CCDC77: variants seen among roughly 807,000 people sequenced by gnomAD.
CCDC77 encodes the protein coiled-coil domain-containing protein 77.
A neutral mutation model predicts 66.8 loss-of-function variants in CCDC77; 56 were observed. The ratio of observed to expected loss-of-function variants is 0.84; its 90% CI spans 0.68 to 1.05. CCDC77 has a LOEUF of 1.05. CCDC77 is among the 50% of genes least tolerant of loss of function. The pLI, the probability that CCDC77 is intolerant of heterozygous loss-of-function variation, is 0.00. For missense variants in CCDC77, 570 were observed against 576.8 expected (o/e 0.99, Z 0.12); for synonymous variants, 196 against 195.2 (o/e 1.00, Z -0.03).
chr12:409,270 C>A, intron 2 of CCDC77, 98 bp from the exon 3 acceptor site: 4 of 795,680 alleles, frequency 5.0e-6, no homozygotes, highest in South Asian at 3.2e-5. Context: ...TTCCAAGAAG[C>A]AAATATGATG....
intron 4 of CCDC77, 52 bp from the exon 5 acceptor site, chr12:418,442 A>C: frequency 5.7e-6 from 9 of 1,567,056 alleles, no homozygotes; most frequent in Non-Finnish European, 7.9e-6. Context: ...AGTGAGAGAT[A>C]CTCCATTGAA....
At chr12:416,773 C>T (rs951280019) in intron 4 of CCDC77, among the ~76,000 whole-genome samples, 1 of 152,068 alleles carries the variant, frequency 6.6e-6, no homozygotes, top group Admixed American at 6.6e-5. Context: ...CCCACACTCC[C>T]TGTAACCACT....
chr12:431,589 C>G (rs1945653133), intron 7 of CCDC77, among the ~76,000 whole-genome samples: 1 of 152,116 alleles, frequency 6.6e-6, no homozygotes, highest in Admixed American at 6.6e-5. Flanking sequence ...GTGGTTGATT[C>G]TAAGGAAAAT....
chr12:441,471 G>A (rs533509305), intron 12 of CCDC77, among the ~76,000 whole-genome samples: 135 of 152,266 alleles, frequency 8.9e-4, no homozygotes, highest in African/African-American at 3.2e-3. Context: ...GTAGTGTTGC[G>A]CTTTCATTCT....
intron 7 of CCDC77, among the ~76,000 whole-genome samples, chr12:431,212 C>CTTT (rs61068771): frequency 5.2e-5 from 6 of 115,774 alleles, no homozygotes; most frequent in African/African-American, 8.7e-5. Flanking sequence ...TTGCTCAGTT[C>CTTT]TTTTTTTTTT....
intron 4 of CCDC77, among the ~76,000 whole-genome samples, chr12:413,514 C>G (rs1416007308): frequency 6.6e-6 from 1 of 152,074 alleles, no homozygotes; most frequent in African/African-American, 2.4e-5. Flanking sequence ...GCTGGGATTT[C>G]AGGCATGAGC....
chr12:389,510 A>G, intron 1 of CCDC77: 1 of 209,646 alleles, frequency 4.8e-6, no homozygotes, highest in South Asian at 4.5e-5. Context: ...GAGGGGCACA[A>G]GCTCTTCTTT....
chr12:418,617 A>G lies in CCDC77; in HGVS notation c.394A>G (p.Asn132Asp), dbSNP rs761272542. ...REHVLRLYSE[N>D]DRLRIRELED... ...ACATGTTTTACGCCTCTACTCAGAA[A>G]ATGACCGACTGAGAATCAGGTACCA... Residue 132 changes from asparagine (N) to aspartate (D), a missense_variant, in exon 5 of 13, where the codon AAT becomes GAT. Asn to Asp is a conservative substitution (Grantham distance 23, BLOSUM62 1). Coordinates refer to ENST00000239830, the MANE Select transcript of CCDC77 (RefSeq NM_032358.4). 1.2e-5 allele frequency: 20 copies of G among 1,613,846 alleles called. No individual in the cohort carries two copies. The highest frequency in any genetic ancestry group is 1.2e-4 in the South Asian group (11 of 91,004).
At chr12:425,985 C>G (rs1945521001) in intron 5 of CCDC77, among the ~76,000 whole-genome samples, 1 of 152,332 alleles carries the variant, frequency 6.6e-6, no homozygotes, top group Admixed American at 6.5e-5. Flanking sequence ...CTGCCTCAGC[C>G]TCCCGAGTAG....
intron 1 of CCDC77, among the ~76,000 whole-genome samples, chr12:404,631 T>G (rs949468579): frequency 6.6e-6 from 1 of 152,082 alleles, no homozygotes; most frequent in African/African-American, 2.4e-5. Context: ...TAGACAACTT[T>G]TCGTAGACAT....
chr12:397,283 T>A (rs1944840196), upstream of CCDC77, among the ~76,000 whole-genome samples: 1 of 151,996 alleles, frequency 6.6e-6, no homozygotes, highest in African/African-American at 2.4e-5. Context: ...ATAGTGGAAA[T>A]AAATAGGAAG....
chr12:423,990 T>G (rs1297788297), intron 5 of CCDC77, among the ~76,000 whole-genome samples: 1 of 152,290 alleles, frequency 6.6e-6, no homozygotes, highest in African/African-American at 2.4e-5. Flanking sequence ...AGTTCTTTTT[T>G]GTTGTTGAGA....
Position 438,402 on chromosome 12 carries a change from C to G in CCDC77, c.889C>G (p.Gln297Glu), listed in dbSNP as rs1381717102. The change falls in exon 10 of 13, where the codon CAA becomes GAA. Residue 297 changes from glutamine to glutamate, a missense_variant. Coordinates refer to ENST00000239830, the MANE Select transcript of CCDC77 (RefSeq NM_032358.4). The part of the protein sequence containing the change: ...KDFLQLRSEN[Q>E]NKEKSWMLEK... ...TTTTCTGCAACTCAGATCTGAAAACCAAAATAAAGAGAAGTCATGGATGCT... is the reference window on the plus strand; with the variant it reads ...TTTTCTGCAACTCAGATCTGAAAACGAAAATAAAGAGAAGTCATGGATGCT... The G allele has an allele frequency of 5.0e-6, 8 of 1,613,686 alleles. No homozygotes were observed. Among genetic ancestry groups the G allele is most frequent in the Non-Finnish European group, 5.9e-6 (7 of 1,179,944 alleles).
intron 5 of CCDC77, among the ~76,000 whole-genome samples, chr12:423,975 G>C (rs985584615): frequency 1.3e-5 from 2 of 151,904 alleles, no homozygotes; most frequent in Non-Finnish European, 2.9e-5. Flanking sequence ...TTGTTGTTGA[G>C]TTGAAGTTCT....
chr12:416,477 C>T (rs1945287855), intron 4 of CCDC77, among the ~76,000 whole-genome samples: 1 of 139,308 alleles, frequency 7.2e-6, no homozygotes, highest in Non-Finnish European at 1.5e-5. Context: ...TGCAGTGGTG[C>T]CATCTCAGCT....
upstream of CCDC77, among the ~76,000 whole-genome samples, chr12:400,595 G>C (rs1459025555): frequency 6.6e-6 from 1 of 152,216 alleles, no homozygotes; most frequent in Non-Finnish European, 1.5e-5. Context: ...AAGAGAGGGA[G>C]AAAGGCAGGG....
At chr12:425,513 G>C (rs1476001362) in intron 5 of CCDC77, among the ~76,000 whole-genome samples, 1 of 151,926 alleles carries the variant, frequency 6.6e-6, no homozygotes, top group Admixed American at 6.6e-5. Context: ...CGCCTTCCAT[G>C]TCAGTTGATA....
chr12:431,361 G>C (rs529736924), intron 7 of CCDC77, among the ~76,000 whole-genome samples: 75 of 152,032 alleles, frequency 4.9e-4, no homozygotes, highest in African/African-American at 1.8e-3. Context: ...TAGGACGACA[G>C]GCATATGCCA....
At chr12:420,195 T>TA (rs150690357) in intron 5 of CCDC77, among the ~76,000 whole-genome samples, 1 of 15,374 alleles carries the variant, frequency 6.5e-5, no homozygotes, top group African/African-American at 1.2e-3. Flanking sequence ...AGTGAGAGGG[T>TA]AAATACACAC....
Sources: gnomAD v4.1 joint callset for allele counts (sites outside exome capture counted in the v4.1 genomes callset) on GRCh38, gnomAD v4.1.1 for gene constraint, MANE v1.5 for transcripts, NCBI Gene and HGNC (gene_info 2026-07-23, HGNC 2026-07-21) for gene names.